The following FOXN2 variants were observed in gnomAD, a reference collection of about 807,000 sequenced individuals.
FOXN2 encodes the protein forkhead box N2.
A neutral mutation model predicts 41.2 loss-of-function variants in FOXN2; 19 were observed. The ratio of observed to expected loss-of-function variants is 0.46; its 90% CI spans 0.32 to 0.68. The LOEUF is 0.68. Among genes scored for constraint, FOXN2 ranks in the 30% least tolerant of loss-of-function variants. FOXN2 has a pLI of 0.03. For synonymous variants in FOXN2, 195 were observed against 176.8 expected, an observed-to-expected ratio of 1.10 and a Z score of -0.82; for missense variants, 587 against 509.4, an observed-to-expected ratio of 1.15 and a Z score of -1.47.
chr2:48,318,073 A>G (rs753823090), intron 1 of FOXN2, among the ~76,000 whole-genome samples: 7 of 152,112 alleles, frequency 4.6e-5, no homozygotes, highest in Non-Finnish European at 8.8e-5. Flanking sequence ...ATTTAAATAA[A>G]CTTTTTATTT....
chr2:48,345,910 G>A (rs1355198291), intron 2 of FOXN2, among the ~76,000 whole-genome samples: 5 of 152,018 alleles, frequency 3.3e-5, no homozygotes, highest in African/African-American at 1.2e-4. Context: ...ATTAGTGTGG[G>A]CTAGGTACTT....
At chr2:48,321,023 T>C (rs1669278677) in intron 1 of FOXN2, among the ~76,000 whole-genome samples, 1 of 152,130 alleles carries the variant, frequency 6.6e-6, no homozygotes, top group South Asian at 2.1e-4. Flanking sequence ...TTTTTTAACT[T>C]GCCCCAAAGC....
chr2:48,325,266 T>C (rs926823029), intron 1 of FOXN2, among the ~76,000 whole-genome samples: 1 of 152,196 alleles, frequency 6.6e-6, no homozygotes, highest in African/African-American at 2.4e-5. Flanking sequence ...AAATAGACAC[T>C]AATAATGGCA....
chr2:48,334,134 GA>G (rs1002983565), intron 2 of FOXN2, among the ~76,000 whole-genome samples: 5 of 150,820 alleles, frequency 3.3e-5, no homozygotes, highest in Non-Finnish European at 7.4e-5. Flanking sequence ...CTCTTTTAAA[GA>G]AAAAAAAATC....
At chr2:48,371,993 C>G (rs1672927544) in intron 5 of FOXN2, among the ~76,000 whole-genome samples, 1 of 152,162 alleles carries the variant, frequency 6.6e-6, no homozygotes, top group Non-Finnish European at 1.5e-5. Flanking sequence ...CGTTTGACTT[C>G]CTCTCTTCCA....
chr2:48,313,725 T>C (rs1440672158), upstream of FOXN2, among the ~76,000 whole-genome samples: 1 of 152,240 alleles, frequency 6.6e-6, no homozygotes, highest in Non-Finnish European at 1.5e-5. Context: ...TCAGTTTCCA[T>C]ATCTGTAAAG....
At chr2:48,373,267 ATAT>A (rs1673026633) in intron 5 of FOXN2, 22 bp from the exon 6 acceptor site, 2 of 1,515,700 alleles carry the variant, frequency 1.3e-6, no homozygotes, top group East Asian at 2.3e-5. Flanking sequence ...AAGAACATTA[ATAT>A]TATTACTTTT....
chr2:48,315,737 C>T (rs1051203678), intron 1 of FOXN2, among the ~76,000 whole-genome samples: 1 of 152,200 alleles, frequency 6.6e-6, no homozygotes, highest in East Asian at 1.9e-4. Flanking sequence ...TGCACCTTTG[C>T]AAAATGCCTC....
intron 3 of FOXN2, among the ~76,000 whole-genome samples, chr2:48,347,024 A>G (rs1454175106): frequency 2.0e-5 from 3 of 152,078 alleles, no homozygotes; most frequent in South Asian, 2.1e-4. Context: ...TAGTGTTCCT[A>G]TAACTATCAG....
At chr2:48,314,450 C>T (rs938906300), upstream of FOXN2, among the ~76,000 whole-genome samples, 2 of 152,260 alleles carry the variant, frequency 1.3e-5, no homozygotes, top group Non-Finnish European at 2.9e-5. Flanking sequence ...ATTTCACCCC[C>T]ACCCCAGCCG....
At chr2:48,344,236 A>G (rs1422351164) in intron 2 of FOXN2, among the ~76,000 whole-genome samples, 1 of 152,238 alleles carries the variant, frequency 6.6e-6, no homozygotes, top group South Asian at 2.1e-4. Context: ...TGTGGTTTTC[A>G]TAAGAGATTG....
chr2:48,314,209 C>T (rs1034767397), upstream of FOXN2, among the ~76,000 whole-genome samples: 7 of 152,392 alleles, frequency 4.6e-5, no homozygotes, highest in African/African-American at 1.2e-4. Flanking sequence ...TCAGCCCGGG[C>T]ACAGGCACCG....
At chr2:48,366,168 C>G (rs1431688884) in intron 5 of FOXN2, among the ~76,000 whole-genome samples, 1 of 152,058 alleles carries the variant, frequency 6.6e-6, no homozygotes, top group Non-Finnish European at 1.5e-5. Flanking sequence ...ACCAGCCTGG[C>G]CAACATGGTG....
At chr2:48,319,512 AAC>A (rs1243339666) in intron 1 of FOXN2, among the ~76,000 whole-genome samples, 1 of 152,074 alleles carries the variant, frequency 6.6e-6, no homozygotes, top group African/African-American at 2.4e-5. Flanking sequence ...TTAACTACAA[AAC>A]ACTCTTAATT....
At chr2:48,318,788 T>C (rs1337486370) in intron 1 of FOXN2, among the ~76,000 whole-genome samples, 1 of 152,238 alleles carries the variant, frequency 6.6e-6, no homozygotes, top group Non-Finnish European at 1.5e-5. Context: ...CTGATTTAAG[T>C]ATCACATAGG....
At chr2:48,355,953 TTA>T (rs1671763915) in intron 3 of FOXN2, among the ~76,000 whole-genome samples, 1 of 152,138 alleles carries the variant, frequency 6.6e-6, no homozygotes, top group South Asian at 2.1e-4. Flanking sequence ...GGTTTGGGCT[TTA>T]TGTTTTAAAT....
chr2:48,375,217 A>T lies in FOXN2; in HGVS notation c.1070A>T (p.Tyr357Phe). ...FHSEEDTDVD[Y>F]EDDPLGDSGY... ...AGTGAAGAAGATACAGACGTTGATT[A>T]TGAAGATGATCCTCTTGGAGACAGT... The change falls in exon 7 of 7, where the codon TAT (tyrosine) becomes TTT (phenylalanine). Residue 357 changes from tyrosine to phenylalanine, a missense_variant. Coordinates refer to ENST00000340553, the MANE Select transcript of FOXN2 (RefSeq NM_002158.4). The T allele has an allele frequency of 1.2e-6, 2 of 1,614,164 alleles. No homozygotes were observed. The highest frequency in any genetic ancestry group is 1.7e-6 in the Non-Finnish European group (2 of 1,180,012).
At position 48,373,347 on chromosome 2, in the gene FOXN2, A is replaced by T. The variant is rs995578228; in HGVS notation, c.759A>T (p.Gln253His). 7 of 1,579,684 alleles carry T rather than the reference A, an allele frequency of 4.4e-6. No individual in the cohort carries two copies. The highest frequency in any genetic ancestry group is 6.0e-6 in the Non-Finnish European group (7 of 1,165,650). ...AMMLLNTSIE[Q>H]GILECEKPLP... The stretch of plus-strand genomic sequence containing the variant: ...TGCTTTTAAATACTTCTATAGAACA[A>T]GGAATTTTAGAATGTAAGTAATCAT... Residue 253 changes from glutamine to histidine, a missense_variant, in exon 6 of 7, where the codon CAA becomes CAT. Coordinates refer to ENST00000340553, the MANE Select transcript of FOXN2 (RefSeq NM_002158.4).
intron 2 of FOXN2, among the ~76,000 whole-genome samples, chr2:48,331,118 A>G (rs568609527): frequency 6.6e-6 from 1 of 152,296 alleles, no homozygotes; most frequent in Admixed American, 6.5e-5. Flanking sequence ...GTAATAAGGA[A>G]AGATATTCAG....
Sources: gnomAD v4.1 joint callset for allele counts (sites outside exome capture counted in the v4.1 genomes callset) on GRCh38, gnomAD v4.1.1 for gene constraint, MANE v1.5 for transcripts, NCBI Gene and HGNC (gene_info 2026-07-23, HGNC 2026-07-21) for gene names.